The following CACNA2D1 variants were observed in gnomAD, a reference collection of about 807,000 sequenced individuals.
CACNA2D1 encodes the protein voltage-dependent calcium channel subunit alpha-2/delta-1.
Under a neutral mutation model 171.5 loss-of-function variants are expected in CACNA2D1, and 53 were observed. The ratio of observed to expected loss-of-function variants is 0.31; its 90% CI spans 0.25 to 0.39. CACNA2D1 has a LOEUF of 0.39. Ranked by LOEUF, CACNA2D1 falls within the 10% of genes least tolerant of loss-of-function variation. The pLI, the probability that CACNA2D1 is intolerant of heterozygous loss-of-function variation, is 1.00. For missense variants in CACNA2D1, 903 were observed against 1,299.8 expected (o/e 0.69, Z 4.69); for synonymous variants, 442 against 443.1 (o/e 1.00, Z 0.03).
At chr7:82,425,988 A>C (rs1237949074) in intron 1 of CACNA2D1, among the ~76,000 whole-genome samples, 1 of 150,798 alleles carries the variant, frequency 6.6e-6, no homozygotes, top group Non-Finnish European at 1.5e-5. Context: ...AAATTAGCCG[A>C]GCATGGTGGC....
chr7:82,188,629 A>G (rs1423820300), intron 3 of CACNA2D1, among the ~76,000 whole-genome samples: 1 of 152,090 alleles, frequency 6.6e-6, no homozygotes, highest in Non-Finnish European at 1.5e-5. Context: ...AAAAACTTAG[A>G]ACAAAGAACT....
In CACNA2D1 at chr7:82,362,158, A is replaced by G. The variant is rs549216812; in HGVS notation, c.96-12509T>C. Among the ~76,000 whole-genome samples the G allele has an allele frequency of 3.9e-5, 6 of 152,280 alleles. No individual in the cohort carries two copies. In the East Asian group the frequency reaches 1.2e-3, roughly 29 times the overall value. The stretch of plus-strand genomic sequence containing the variant: ...TAACTCACCATCTTTATGAAATATA[A>G]AAGAATCATGAAGCAGCCAGTAACA... On this transcript the variant is annotated intron_variant, in intron 1 of 38. Coordinates refer to ENST00000356860, the MANE Select transcript of CACNA2D1 (RefSeq NM_000722.4).
chr7:82,145,614 T>C (rs971020568), intron 4 of CACNA2D1, among the ~76,000 whole-genome samples: 2 of 142,354 alleles, frequency 1.4e-5, no homozygotes, highest in African/African-American at 5.1e-5. Context: ...ATTTTACATA[T>C]ATTATAAAAT....
At chr7:82,027,355 T>C (rs1262562776) in intron 12 of CACNA2D1, among the ~76,000 whole-genome samples, 1 of 151,678 alleles carries the variant, frequency 6.6e-6, no homozygotes, top group African/African-American at 2.4e-5. Context: ...ATGTGGGATG[T>C]CATTTAACTT....
At chr7:82,200,150 G>A (rs1475927975) in intron 3 of CACNA2D1, among the ~76,000 whole-genome samples, 2 of 151,988 alleles carry the variant, frequency 1.3e-5, no homozygotes, top group East Asian at 3.9e-4. Context: ...GTATAACAAA[G>A]CCTGCAGCAA....
At chr7:82,280,159 T>C (rs1585318623) in intron 3 of CACNA2D1, among the ~76,000 whole-genome samples, 1 of 152,220 alleles carries the variant, frequency 6.6e-6, no homozygotes, top group African/African-American at 2.4e-5. Context: ...TTATTTTGAA[T>C]CATAAGTGAA....
At chr7:82,118,317 T>TG (rs1168277370) in intron 5 of CACNA2D1, among the ~76,000 whole-genome samples, 1 of 152,142 alleles carries the variant, frequency 6.6e-6, no homozygotes, top group Admixed American at 6.6e-5. Flanking sequence ...TGTGTTAAAC[T>TG]TTTTTTGTTC....
intron 6 of CACNA2D1, among the ~76,000 whole-genome samples, chr7:82,090,033 G>GA (rs1240494999): frequency 2.6e-5 from 4 of 152,114 alleles, no homozygotes; most frequent in African/African-American, 9.7e-5. Flanking sequence ...TATGAAATGT[G>GA]ATGTTTTGAT....
At chr7:81,957,015 A>T (rs1160323325) in intron 38 of CACNA2D1, among the ~76,000 whole-genome samples, 2 of 152,170 alleles carry the variant, frequency 1.3e-5, no homozygotes, top group Admixed American at 1.3e-4. Flanking sequence ...TATTTCAATA[A>T]GAATATTTTG....
At chr7:82,128,554 T>A (rs1418896522) in intron 5 of CACNA2D1, among the ~76,000 whole-genome samples, 1 of 152,162 alleles carries the variant, frequency 6.6e-6, no homozygotes, top group African/African-American at 2.4e-5. Flanking sequence ...TGATCAACTT[T>A]AAATACTTGT....
At chr7:82,289,886 C>G (rs977074902) in intron 3 of CACNA2D1, among the ~76,000 whole-genome samples, 1 of 151,972 alleles carries the variant, frequency 6.6e-6, no homozygotes, top group African/African-American at 2.4e-5. Flanking sequence ...ACATGACATA[C>G]TGTCCCCAAG....
intron 1 of CACNA2D1, among the ~76,000 whole-genome samples, chr7:82,429,361 C>T (rs1490314426): frequency 1.3e-5 from 2 of 151,458 alleles, no homozygotes; most frequent in Non-Finnish European, 2.9e-5. Context: ...TGTTTCTCTG[C>T]AATTAGGGTA....
intron 3 of CACNA2D1, among the ~76,000 whole-genome samples, chr7:82,290,626 C>T (rs369677742): frequency 3.2e-4 from 47 of 146,346 alleles, no homozygotes; most frequent in African/African-American, 7.5e-4. Context: ...GAGGGAATTT[C>T]GCTCTTGTTG....
At chr7:82,244,026 C>G (rs1460742171) in intron 3 of CACNA2D1, among the ~76,000 whole-genome samples, 2 of 152,102 alleles carry the variant, frequency 1.3e-5, no homozygotes, top group African/African-American at 4.8e-5. Flanking sequence ...GAAACTCTTT[C>G]AAACTTCACC....
intron 12 of CACNA2D1, among the ~76,000 whole-genome samples, chr7:82,026,884 T>C (rs913380097): frequency 1.3e-5 from 2 of 151,764 alleles, no homozygotes; most frequent in Non-Finnish European, 3.0e-5. Context: ...AAAATACAGG[T>C]ATACTCAAAA....
intron 12 of CACNA2D1, chr7:82,028,062 A>G (rs955649248): frequency 6.6e-6 from 1 of 151,832 alleles, no homozygotes; most frequent in African/African-American, 2.4e-5. Context: ...AGACAATTTT[A>G]TCTAGGACTT....
At chr7:82,326,665 T>C (rs1269133769) in intron 3 of CACNA2D1, among the ~76,000 whole-genome samples, 2 of 108,828 alleles carry the variant, frequency 1.8e-5, no homozygotes, top group African/African-American at 5.8e-5. Flanking sequence ...CTCATGCCTC[T>C]ACCTTGTTTT....
At chr7:82,350,092 T>C (rs1819678808) in intron 1 of CACNA2D1, among the ~76,000 whole-genome samples, 2 of 152,238 alleles carry the variant, frequency 1.3e-5, no homozygotes, top group African/African-American at 2.4e-5. Context: ...AACAATTTGA[T>C]GCATTCCCTT....
At chr7:82,023,733 T>A (rs1255230465) in intron 12 of CACNA2D1, 1 of 151,792 alleles carries the variant, frequency 6.6e-6, no homozygotes, top group Non-Finnish European at 1.5e-5. Context: ...TTACGGCTGA[T>A]TCTAAGTACA....
Sources: gnomAD v4.1 joint callset for allele counts (sites outside exome capture counted in the v4.1 genomes callset) on GRCh38, gnomAD v4.1.1 for gene constraint, MANE v1.5 for transcripts, NCBI Gene and HGNC (gene_info 2026-07-23, HGNC 2026-07-21) for gene names.